Variants in ERBIN observed in about 807,000 individuals in gnomAD.
The protein encoded by ERBIN is densin-180-like protein.
ERBIN carries 60 observed loss-of-function variants against 158.4 expected under a neutral mutation model. That is an observed-to-expected ratio of 0.38 (90% CI 0.31 to 0.47). The LOEUF (loss-of-function observed/expected upper bound fraction) is 0.47. Ranked by LOEUF, ERBIN falls within the 20% of genes least tolerant of loss-of-function variation. The pLI is 0.99. For missense variants in ERBIN, 1,610 were observed against 1,648.0 expected, an observed-to-expected ratio of 0.98 and a Z score of 0.40; for synonymous variants, 594 against 557.2, an observed-to-expected ratio of 1.07 and a Z score of -0.93.
intron 1 of ERBIN, among the ~76,000 whole-genome samples, chr5:65,944,007 A>T (rs1025887394): frequency 1.3e-5 from 2 of 152,168 alleles, no homozygotes; most frequent in African/African-American, 4.8e-5. Context: ...ATAATACTCC[A>T]TTGTATGTAT....
chr5:65,962,833 A>T (rs926537304), intron 1 of ERBIN, among the ~76,000 whole-genome samples: 3 of 152,222 alleles, frequency 2.0e-5, no homozygotes, highest in Non-Finnish European at 2.9e-5. Flanking sequence ...TTGGTTTAGT[A>T]ATACTAATTA....
intron 1 of ERBIN, among the ~76,000 whole-genome samples, chr5:65,982,078 C>G (rs1750721629): frequency 6.6e-6 from 1 of 152,178 alleles, no homozygotes; most frequent in Non-Finnish European, 1.5e-5. Flanking sequence ...TGCCAGAAAA[C>G]AATACCTTTA....
intron 1 of ERBIN, among the ~76,000 whole-genome samples, chr5:65,957,265 G>A (rs931269315): frequency 6.6e-5 from 10 of 151,694 alleles, no homozygotes; most frequent in Non-Finnish European, 1.0e-4. Flanking sequence ...GTTTCTCGCA[G>A]AGGGGGATTT....
At chr5:65,979,116 C>G (rs1750358169) in intron 1 of ERBIN, among the ~76,000 whole-genome samples, 1 of 152,094 alleles carries the variant, frequency 6.6e-6, no homozygotes, top group Non-Finnish European at 1.5e-5. Context: ...CTTGCACTCC[C>G]TGGGAAATAA....
chr5:66,044,419 A>G (rs1758209873), intron 17 of ERBIN, 109 bp downstream of exon 17: 1 of 997,786 alleles, frequency 1.0e-6, no homozygotes, highest in South Asian at 1.8e-5. Flanking sequence ...GTCATGCACC[A>G]CAGAATGATA....
intron 1 of ERBIN, among the ~76,000 whole-genome samples, chr5:65,941,040 CATG>C (rs1022816518): frequency 3.9e-5 from 6 of 152,134 alleles, no homozygotes; most frequent in Non-Finnish European, 7.3e-5. Flanking sequence ...CTCTCTGAAA[CATG>C]TGCTGTGTCC....
chr5:65,998,213 G>A (rs1160650950), intron 4 of ERBIN, among the ~76,000 whole-genome samples: 1 of 149,252 alleles, frequency 6.7e-6, no homozygotes, highest in Non-Finnish European at 1.5e-5. Context: ...GGGCGACACA[G>A]CAAGACTCTC....
chr5:66,078,446 T>TA lies in ERBIN; in HGVS notation c.4156dup (p.Ile1386AsnfsTer2). On this transcript the variant is annotated frameshift_variant, in exon 26 of 26. Coordinates refer to ENST00000284037, the MANE Select transcript of ERBIN (RefSeq NM_001253697.2). LOFTEE classifies it high-confidence loss of function. ...AGGCTAATGGCTACAGTTTTATAAATATTGAACATGGACAAGCAGTGTCCT... is the reference window on the plus strand; with the variant it reads ...AGGCTAATGGCTACAGTTTTATAAATAATTGAACATGGACAAGCAGTGTCCT... The TA allele has an allele frequency of 6.3e-7, 1 of 1,584,928 alleles. No homozygotes were observed. The highest frequency in any genetic ancestry group is 8.5e-7 in the Non-Finnish European group (1 of 1,171,256).
In ERBIN at chr5:65,995,995, C is replaced by T. The variant is rs140939627; in HGVS notation, c.307+1131C>T. On this transcript the variant is annotated intron_variant, in intron 4 of 25. Coordinates refer to ENST00000284037, the MANE Select transcript of ERBIN (RefSeq NM_001253697.2). ...GTTATTGAGGTTTTTTAGTTTCTTA[C>T]ATATTTTGAATGCTAACCCCTTCTC... Among the ~76,000 whole-genome samples, 645 of 152,216 alleles carry T rather than the reference C, an allele frequency of 4.2e-3. 1 individual carries two copies. Among genetic ancestry groups the T allele is most frequent in the Non-Finnish European group, 6.9e-3 (468 of 67,994 alleles).
chr5:65,965,379 G>GTTTTTTTTTTTTTTTTTT (rs1561304820), intron 1 of ERBIN, among the ~76,000 whole-genome samples: 2 of 103,652 alleles, frequency 1.9e-5, no homozygotes, highest in African/African-American at 3.7e-5. Flanking sequence ...TTTGTTTTTT[G>GTTTTTTTTTTTTTTTTTT]TTGTTTTTTT....
chr5:65,936,902 T>C (rs1489084819), intron 1 of ERBIN, among the ~76,000 whole-genome samples: 1 of 152,196 alleles, frequency 6.6e-6, no homozygotes, highest in African/African-American at 2.4e-5. Flanking sequence ...CAATTTGTAC[T>C]TCCATCAATG....
At chr5:66,002,429 TTC>T (rs200625621) in intron 4 of ERBIN, among the ~76,000 whole-genome samples, 6,100 of 152,244 alleles carry the variant, frequency 0.04, 412 homozygotes, top group African/African-American at 0.14. Flanking sequence ...GATTAAAACA[TTC>T]TGTCAAAGTG....
chr5:65,979,611 T>C (rs1182539151), intron 1 of ERBIN, among the ~76,000 whole-genome samples: 2 of 152,114 alleles, frequency 1.3e-5, no homozygotes, highest in Admixed American at 6.5e-5. Flanking sequence ...CAGGATAATA[T>C]ATGGGGGATT....
chr5:65,994,986 T>G (rs576137462), intron 4 of ERBIN, 122 bp downstream of exon 4: 41 of 633,808 alleles, frequency 6.5e-5, no homozygotes, highest in African/African-American at 5.7e-4. Context: ...TAATATGAAC[T>G]TCATCTAAGA....
At chr5:66,020,339 T>A (rs1755557943) in intron 7 of ERBIN, among the ~76,000 whole-genome samples, 1 of 152,078 alleles carries the variant, frequency 6.6e-6, no homozygotes, top group Admixed American at 6.5e-5. Context: ...TTTGTTAAAA[T>A]TCCAGAGAAG....
chr5:66,063,205 G>T (rs747500348), intron 21 of ERBIN, among the ~76,000 whole-genome samples: 8 of 152,234 alleles, frequency 5.3e-5, no homozygotes, highest in African/African-American at 1.9e-4. Flanking sequence ...GAGCTTCCCA[G>T]CTGCTTTGGT....
At chr5:65,930,922 A>AT (rs1640947140) in intron 1 of ERBIN, among the ~76,000 whole-genome samples, 1 of 152,128 alleles carries the variant, frequency 6.6e-6, no homozygotes, top group Admixed American at 6.5e-5. Context: ...CTATCACTCT[A>AT]TTTTTGTCAC....
At chr5:66,069,335 T>G (rs1435652011) in intron 21 of ERBIN, among the ~76,000 whole-genome samples, 2 of 152,242 alleles carry the variant, frequency 1.3e-5, no homozygotes, top group East Asian at 3.8e-4. Flanking sequence ...ACTTTTCTAT[T>G]CCTAAGGATT....
In ERBIN at chr5:66,075,173, T is replaced by C; in HGVS notation, c.3906T>C (p.Pro1302=). 6.2e-7 allele frequency: 1 copy of C among 1,614,110 alleles called. No individual in the cohort carries two copies. The highest frequency in any genetic ancestry group is 1.7e-5 in the Admixed American group (1 of 60,016). The part of the protein sequence containing the change: ...DYLMLKVAHQ[P]PYTQPHCSPR... The stretch of plus-strand genomic sequence containing the variant: ...TGATGCTGAAAGTGGCCCACCAGCC[T>C]CCATATACACAGCCCCATTGTTCTC... Residue 1302 remains proline (P), a synonymous_variant, in exon 23 of 26, where the codon CCT becomes CCC. Transcript: ENST00000284037.
Sources: allele counts gnomAD v4.1 joint callset (sites outside exome capture counted in the v4.1 genomes callset), GRCh38; gene constraint gnomAD v4.1.1; transcripts MANE v1.5; gene names NCBI Gene and HGNC (gene_info 2026-07-23, HGNC 2026-07-21).